TUT4: variants seen among roughly 807,000 people sequenced by gnomAD.
The protein encoded by TUT4 is terminal uridylyltransferase 4.
In TUT4, 36 loss-of-function variants were observed where a neutral mutation model predicts 192.2. The ratio of observed to expected loss-of-function variants is 0.19; its 90% CI spans 0.14 to 0.25. The LOEUF is 0.25. TUT4 is among the 10% of genes least tolerant of loss of function. The pLI, the probability that TUT4 is intolerant of heterozygous loss-of-function variation, is 1.00. For synonymous variants in TUT4, 618 were observed against 666.0 expected, an observed-to-expected ratio of 0.93 and a Z score of 1.11; for missense variants, 1,493 against 1,957.2, an observed-to-expected ratio of 0.76 and a Z score of 4.47.
chr1:52,501,542 A>G (rs183294211), intron 4 of TUT4, among the ~76,000 whole-genome samples: 7 of 152,310 alleles, frequency 4.6e-5, no homozygotes, highest in Non-Finnish European at 8.8e-5. Flanking sequence ...ACTGTGGAAA[A>G]CAGCATGGCA....
intron 5 of TUT4, 146 bp downstream of exon 5, chr1:52,496,860 C>A: frequency 1.3e-6 from 1 of 753,262 alleles, no homozygotes; most frequent in Non-Finnish European, 2.0e-6. Flanking sequence ...GAAATATTTC[C>A]CTCAAAAATT....
rs759188432 is a variant in TUT4 at position 52,493,587 on chromosome 1, AAAAG to A, written c.1318+20_1318+23del. On this transcript the variant is annotated intron_variant, in intron 7 of 29. Transcript: ENST00000257177. ...GAAAGACAAATTAAAAAAAAAAAAG[AAAAG>A]AAAAAGAAAAGAAACTCACCATTTT... 8 of 1,405,792 alleles carry A rather than the reference AAAAG, an allele frequency of 5.7e-6. No homozygotes were observed. Among genetic ancestry groups the A allele is most frequent in the Non-Finnish European group, 7.8e-6 (8 of 1,025,986 alleles). The allele number at this position is 1,405,792 out of a possible 1,614,324, so 87.1% of individuals were successfully genotyped here.
intron 20 of TUT4, among the ~76,000 whole-genome samples, chr1:52,456,672 G>C (rs1027474079): frequency 7.2e-5 from 11 of 152,000 alleles, no homozygotes; most frequent in Non-Finnish European, 1.6e-4. Context: ...ACAAAGATTA[G>C]TGGTTGCCAG....
intron 1 of TUT4, among the ~76,000 whole-genome samples, chr1:52,549,371 C>G (rs1298463241): frequency 6.6e-6 from 1 of 152,098 alleles, no homozygotes; most frequent in Non-Finnish European, 1.5e-5. Context: ...CCCTCACTCC[C>G]CAAGGCTCAT....
In TUT4 at chr1:52,489,050, GAAAC is replaced by G; in HGVS notation, c.1389-19_1389-16del. 3 of 1,601,932 alleles carry G rather than the reference GAAAC, an allele frequency of 1.9e-6. No homozygotes were observed. The highest frequency in any genetic ancestry group is 1.7e-6 in the Non-Finnish European group (2 of 1,176,410). The stretch of plus-strand genomic sequence containing the variant: ...AAAGTAAACCACTGTGAATGAGAAA[GAAAC>G]AAATTTCATTGTATTAATACCCTTA... On this transcript the variant is annotated splice_polypyrimidine_tract_variant and intron_variant, in intron 8 of 29. Coordinates refer to ENST00000257177, the MANE Select transcript of TUT4 (RefSeq NM_001009881.3).
chr1:52,498,600 T>C (rs1286308489), intron 4 of TUT4, among the ~76,000 whole-genome samples: 2 of 151,524 alleles, frequency 1.3e-5, no homozygotes, highest in African/African-American at 4.8e-5. Context: ...GAAAAAATGA[T>C]AAAAGGCCGG....
intron 2 of TUT4, among the ~76,000 whole-genome samples, chr1:52,516,351 T>C (rs1678710181): frequency 6.6e-6 from 1 of 152,162 alleles, no homozygotes; most frequent in Non-Finnish European, 1.5e-5. Context: ...AAAGCTAATA[T>C]AACATAATCA....
chr1:52,475,445 C>T lies in TUT4; in HGVS notation c.2114G>A (p.Arg705Gln), dbSNP rs770602103. ...CTTCGTCTGAGGACAGGCAAAATAC[C>T]GATAAGCTGCCCTAAATCTCTCCAC... ...YVVERFRAAY[R>Q]YFACPQTKGG... Residue 705 changes from arginine (R) to glutamine (Q), a missense_variant, in exon 13 of 30, where the codon CGG (arginine) becomes CAG (glutamine). Transcript: ENST00000257177. 1.7e-5 allele frequency: 27 copies of T among 1,614,070 alleles called. No individual in the cohort carries two copies. The East Asian group carries it at 2.5e-4, about 15-fold the overall frequency.
intron 26 of TUT4, among the ~76,000 whole-genome samples, chr1:52,435,865 A>G (rs1379765881): frequency 6.6e-6 from 1 of 152,092 alleles, no homozygotes; most frequent in Non-Finnish European, 1.5e-5. Flanking sequence ...AGCTGTGATC[A>G]TACCACGCAC....
intron 4 of TUT4, among the ~76,000 whole-genome samples, chr1:52,498,805 TC>T (rs140816165): frequency 0.012 from 1,791 of 148,348 alleles, 32 homozygotes; most frequent in African/African-American, 0.042. Context: ...GAGAATCGTT[TC>T]AACCTCGGAG....
intron 2 of TUT4, among the ~76,000 whole-genome samples, chr1:52,524,771 C>G (rs572392942): frequency 2.0e-5 from 3 of 152,086 alleles, no homozygotes; most frequent in Non-Finnish European, 4.4e-5. Context: ...CCACTGCACT[C>G]CAGCCTGGGC....
At chr1:52,468,102 T>G (rs901247811) in intron 15 of TUT4, 79 bp downstream of exon 15, 2 of 1,063,302 alleles carry the variant, frequency 1.9e-6, no homozygotes, top group Non-Finnish European at 2.8e-6. Context: ...TAGCATTCAA[T>G]AAATATTTTT....
intron 20 of TUT4, among the ~76,000 whole-genome samples, chr1:52,451,838 A>T (rs1438311177): frequency 6.7e-6 from 1 of 149,030 alleles, no homozygotes; most frequent in Non-Finnish European, 1.5e-5. Context: ...GTGAGATTCC[A>T]TCTCAAAAAA....
intron 1 of TUT4, among the ~76,000 whole-genome samples, chr1:52,545,162 G>A (rs1480049525): frequency 6.6e-6 from 1 of 151,956 alleles, no homozygotes. Context: ...GAACATTTGA[G>A]GTCAGGAGTT....
intron 1 of TUT4, among the ~76,000 whole-genome samples, chr1:52,529,448 C>T (rs534259920): frequency 2.0e-5 from 3 of 152,290 alleles, no homozygotes; most frequent in African/African-American, 4.8e-5. Flanking sequence ...AGGTTCCTCA[C>T]TTTAACAACT....
At chr1:52,458,867 A>G (rs772296122) in intron 19 of TUT4, among the ~76,000 whole-genome samples, 70 of 152,186 alleles carry the variant, frequency 4.6e-4, no homozygotes, top group Non-Finnish European at 9.3e-4. Context: ...ATGCCAAAAC[A>G]TATGTGAAAT....
At chr1:52,443,105 G>A (rs373483238) in intron 24 of TUT4, among the ~76,000 whole-genome samples, 3 of 151,198 alleles carry the variant, frequency 2.0e-5, no homozygotes, top group Admixed American at 6.6e-5. Flanking sequence ...CCAACATGGC[G>A]AAACCCCGTC....
At chr1:52,497,341 T>C (rs1412021036) in intron 4 of TUT4, among the ~76,000 whole-genome samples, 158 bp from the exon 5 acceptor site, 1 of 152,216 alleles carries the variant, frequency 6.6e-6, no homozygotes, top group Non-Finnish European at 1.5e-5. Flanking sequence ...AAAAGACTTC[T>C]GCCTTTGGGA....
chr1:52,451,350 A>T (rs931066085), intron 20 of TUT4, among the ~76,000 whole-genome samples: 3 of 152,172 alleles, frequency 2.0e-5, no homozygotes, highest in South Asian at 2.1e-4. Context: ...GGTAAATTTT[A>T]AATATCATCC....
Sources: allele counts gnomAD v4.1 joint callset (sites outside exome capture counted in the v4.1 genomes callset), GRCh38; gene constraint gnomAD v4.1.1; transcripts MANE v1.5; gene names NCBI Gene and HGNC (gene_info 2026-07-23, HGNC 2026-07-21).